The following SLC15A1 variants were observed in gnomAD, a reference collection of about 807,000 sequenced individuals.
SLC15A1 encodes the protein solute carrier family 15 member 1, also known as Caco-2 oligopeptide transporter.
SLC15A1 carries 83 observed loss-of-function variants against 92.9 expected under a neutral mutation model. That is an observed-to-expected ratio of 0.89 (90% confidence interval 0.75 to 1.07). SLC15A1 has a LOEUF of 1.07. Among genes scored for constraint, SLC15A1 ranks in the 50% least tolerant of loss-of-function variants. The pLI is 0.00. For missense variants in SLC15A1, 857 were observed against 880.1 expected (o/e 0.97, Z 0.33); for synonymous variants, 322 against 318.2 (o/e 1.01, Z -0.13).
chr13:98,747,397 G>C (rs1038902690), intron 1 of SLC15A1, among the ~76,000 whole-genome samples: 1 of 151,998 alleles, frequency 6.6e-6, no homozygotes, highest in African/African-American at 2.4e-5. Flanking sequence ...AACACACCTG[G>C]CTGGGAAGTC....
intron 1 of SLC15A1, among the ~76,000 whole-genome samples, chr13:98,728,098 C>T (rs969441030): frequency 4.6e-5 from 7 of 152,244 alleles, no homozygotes; most frequent in African/African-American, 1.2e-4. Flanking sequence ...AATCACTACA[C>T]TGGAAAATTA....
chr13:98,711,415 G>A (rs1410813903), intron 11 of SLC15A1, among the ~76,000 whole-genome samples: 1 of 152,082 alleles, frequency 6.6e-6, no homozygotes, highest in Non-Finnish European at 1.5e-5. Flanking sequence ...CCCCAGGATG[G>A]TACTTCTAGC....
intron 1 of SLC15A1, among the ~76,000 whole-genome samples, chr13:98,731,988 C>T (rs2088354109): frequency 6.6e-6 from 1 of 152,174 alleles, no homozygotes; most frequent in South Asian, 2.1e-4. Flanking sequence ...TTGCTAAACT[C>T]TTTGACAGAA....
chr13:98,684,815 T>G lies in SLC15A1; in HGVS notation c.2036A>C (p.Glu679Ala). 6.2e-7 allele frequency: 1 copy of G among 1,614,130 alleles called. No individual in the cohort carries two copies. The highest frequency in any genetic ancestry group is 8.5e-7 in the Non-Finnish European group (1 of 1,180,028). The change falls in exon 23 of 23, where the codon GAA becomes GCA. Residue 679 changes from glutamate to alanine, a missense_variant. Coordinates refer to ENST00000376503, the MANE Select transcript of SLC15A1 (RefSeq NM_005073.4). ...CTTTTCATCCTCATCAAATTGAGCT[T>G]CGATCTCCGCTGGGTTGATGTAAGT... ...FYTYINPAEI[E>A]AQFDEDEKKN...
chr13:98,752,472 C>A, intron 1 of SLC15A1, 123 bp downstream of exon 1: 1 of 935,318 alleles, frequency 1.1e-6, no homozygotes, highest in Non-Finnish European at 1.4e-6. Flanking sequence ...CCCCCGTGGG[C>A]CTTCGGGTCG....
At chr13:98,713,007 T>C (rs2088178004) in intron 9 of SLC15A1, among the ~76,000 whole-genome samples, 1 of 152,240 alleles carries the variant, frequency 6.6e-6, no homozygotes, top group Admixed American at 6.5e-5. Flanking sequence ...TCTTCCATAT[T>C]GTCTTCAAAA....
In SLC15A1 at chr13:98,726,451, T is replaced by A; in HGVS notation, c.22-2A>T. ...GCTCAGGGGATAACCAAAGAAACTC[T>A]GACAAAAAAGAAACAAGCACAGGAT... is the stretch of plus-strand genomic sequence containing the variant. On this transcript the variant is annotated splice_acceptor_variant, in intron 2 of 22. Coordinates refer to ENST00000376503, the MANE Select transcript of SLC15A1 (RefSeq NM_005073.4). LOFTEE classifies it high-confidence loss of function. The A allele has an allele frequency of 1.9e-6, 3 of 1,613,358 alleles. No individual in the cohort carries two copies. Among genetic ancestry groups the A allele is most frequent in the Non-Finnish European group, 2.5e-6 (3 of 1,179,586 alleles).
At chr13:98,737,425 T>C (rs1029790749) in intron 1 of SLC15A1, among the ~76,000 whole-genome samples, 1 of 152,158 alleles carries the variant, frequency 6.6e-6, no homozygotes, top group Non-Finnish European at 1.5e-5. Flanking sequence ...CAAACCAACA[T>C]GGCACATGTA....
intron 18 of SLC15A1, 31 bp downstream of exon 18, chr13:98,702,449 T>A: frequency 6.6e-7 from 1 of 1,513,816 alleles, no homozygotes; most frequent in Non-Finnish European, 9.2e-7. Context: ...AAGAATCTGA[T>A]AAAACTTAAA....
chr13:98,696,838 T>C (rs146884292), intron 18 of SLC15A1, among the ~76,000 whole-genome samples: 2 of 152,090 alleles, frequency 1.3e-5, no homozygotes, highest in African/African-American at 2.4e-5. Flanking sequence ...GGTTTCCTCC[T>C]TTAAAGGTGA....
intron 1 of SLC15A1, among the ~76,000 whole-genome samples, chr13:98,732,834 T>C (rs1181810159): frequency 6.6e-6 from 1 of 152,176 alleles, no homozygotes; most frequent in African/African-American, 2.4e-5. Context: ...AGGACGTGTT[T>C]CTGAACTTTC....
At chr13:98,729,083 G>A (rs182176731) in intron 1 of SLC15A1, among the ~76,000 whole-genome samples, 51 of 149,448 alleles carry the variant, frequency 3.4e-4, no homozygotes, top group Non-Finnish European at 5.9e-5. Flanking sequence ...AATGATCAAG[G>A]TTTGAGGTGA....
chr13:98,743,514 A>T (rs1387785167), intron 1 of SLC15A1, among the ~76,000 whole-genome samples: 3 of 152,218 alleles, frequency 2.0e-5, no homozygotes, highest in Admixed American at 2.0e-4. Flanking sequence ...GCTGACAGAC[A>T]GTTGATTTCC....
At chr13:98,686,126 G>C (rs924030809) in intron 22 of SLC15A1, 64 bp downstream of exon 22, 1 of 1,216,760 alleles carries the variant, frequency 8.2e-7, no homozygotes, top group East Asian at 2.5e-5. Context: ...GCTAGGGAAG[G>C]CCACCATGAT....
chr13:98,684,665 T>TG lies in SLC15A1; in HGVS notation c.*58dup. ...CCATCCAATGGAGTGTCCTGCTACC[T>TG]GGGGGCAGAGGTCAGGGCATCTGCG... On this transcript the variant is annotated 3_prime_UTR_variant, in exon 23 of 23. Transcript: ENST00000376503. 6.9e-7 allele frequency: 1 copy of TG among 1,447,618 alleles called. No individual in the cohort carries two copies. The highest frequency in any genetic ancestry group is 9.6e-7 in the Non-Finnish European group (1 of 1,039,684). 89.7% of individuals were successfully genotyped at this position (1,447,618 alleles called of 1,614,324 possible). A position where few individuals can be genotyped will look rare whatever the true frequency, so the allele number is the denominator to read the frequency against.
chr13:98,736,145 T>C (rs1349750841), intron 1 of SLC15A1, among the ~76,000 whole-genome samples: 2 of 152,114 alleles, frequency 1.3e-5, no homozygotes, highest in Non-Finnish European at 2.9e-5. Flanking sequence ...AAAACAGATA[T>C]ATAGATCAAT....
At chr13:98,726,525 A>AAG in intron 2 of SLC15A1, 76 bp from the exon 3 acceptor site, 1 of 1,351,518 alleles carries the variant, frequency 7.4e-7, no homozygotes. Context: ...CACCAGTGGC[A>AAG]TGAAAGGCAG....
In SLC15A1 at chr13:98,732,976, G is replaced by T. The variant is rs182209843; in HGVS notation, c.5-6117C>A. The stretch of plus-strand genomic sequence containing the variant: ...TAAGTTAGGGGCCTTGAGATAAAGA[G>T]TTTATCTTAGATTATCCAGACAGAC... On this transcript the variant is annotated intron_variant, in intron 1 of 22. Transcript: ENST00000376503. Among the ~76,000 whole-genome samples, 8 of 152,252 alleles carry T rather than the reference G, an allele frequency of 5.3e-5. No individual in the cohort carries two copies. In the East Asian group the frequency reaches 1.5e-3, roughly 29 times the overall value.
intron 7 of SLC15A1, chr13:98,721,050 T>G (rs1229206550): frequency 2.2e-6 from 1 of 448,232 alleles, no homozygotes; most frequent in East Asian, 7.0e-5. Flanking sequence ...AGACTCCTTC[T>G]AAAAACAAAA....
Sources: gnomAD v4.1 joint callset for allele counts (sites outside exome capture counted in the v4.1 genomes callset) on GRCh38, gnomAD v4.1.1 for gene constraint, MANE v1.5 for transcripts, NCBI Gene and HGNC (gene_info 2026-07-23, HGNC 2026-07-21) for gene names.